The following LYRM4 variants were observed in gnomAD, a reference collection of about 807,000 sequenced individuals.
The protein encoded by LYRM4 is LYR motif-containing protein 4.
A neutral mutation model predicts 11.7 loss-of-function variants in LYRM4; 9 were observed. The observed-to-expected ratio is 0.77, with a 90% CI of 0.46 to 1.34. The LOEUF (loss-of-function observed/expected upper bound fraction) is 1.34. Among genes scored for constraint, LYRM4 ranks in the 40% most tolerant of loss-of-function variants. The pLI is 0.00. For synonymous variants in LYRM4, 42 were observed against 40.4 expected (o/e 1.04, Z -0.15); for missense variants, 133 against 112.5 (o/e 1.18, Z -0.82).
chr6:5,065,885 G>A, the LYRM4 span: 2 of 236,554 alleles, frequency 8.5e-6, no homozygotes, highest in Non-Finnish European at 1.7e-5. Flanking sequence ...AAGTCTTGAG[G>A]GTACATGTTA....
At chr6:5,155,430 G>A (rs1758356720) in intron 2 of LYRM4, among the ~76,000 whole-genome samples, 2 of 152,134 alleles carry the variant, frequency 1.3e-5, no homozygotes, top group East Asian at 1.9e-4. Flanking sequence ...AGTTTTCAGA[G>A]TCCGTCTTTA....
In LYRM4 at chr6:5,183,845, G is replaced by A. The variant is rs114524915; in HGVS notation, c.207+32773C>T. On this transcript the variant is annotated intron_variant, in intron 2 of 2. Coordinates refer to ENST00000330636, the MANE Select transcript of LYRM4 (RefSeq NM_020408.6). ...TAGTAAGAACCACTGCAGATCTATT[G>A]TATAACATGGAGGCTATTAATAATA... Among the ~76,000 whole-genome samples the A allele has an allele frequency of 6.0e-3, 916 of 152,308 alleles. 11 individuals carry two copies. Among genetic ancestry groups the A allele is most frequent in the South Asian group, 0.043 (209 of 4,820 alleles).
chr6:5,056,412 A>T, the LYRM4 span, among the ~76,000 whole-genome samples: 1 of 152,234 alleles, frequency 6.6e-6, no homozygotes, highest in Non-Finnish European at 1.5e-5. Flanking sequence ...AGGTAGTTGC[A>T]ATATGGAATC....
the LYRM4 span, chr6:5,086,444 A>G: frequency 6.5e-7 from 1 of 1,536,620 alleles, no homozygotes; most frequent in East Asian, 2.4e-5. Context: ...GACGCCGACG[A>G]GCGCGGCGTC....
chr6:5,113,408 A>T (rs1271696673), intron 2 of LYRM4: 3 of 398,294 alleles, frequency 7.5e-6, no homozygotes, highest in Admixed American at 2.9e-5. Flanking sequence ...ACAGAGCGAG[A>T]TTCCGTTATC....
intron 2 of LYRM4, among the ~76,000 whole-genome samples, chr6:5,115,110 T>A (rs1763059858): frequency 6.6e-6 from 1 of 152,222 alleles, no homozygotes; most frequent in Non-Finnish European, 1.5e-5. Flanking sequence ...ATCTATTTAA[T>A]CACTCCCATA....
the LYRM4 span, chr6:5,085,681 G>A: frequency 1.9e-6 from 3 of 1,548,062 alleles, no homozygotes; most frequent in Admixed American, 3.9e-5. Context: ...GGAAGAGGCC[G>A]CCCCCCAGGA....
chr6:5,234,929 C>A (rs1009291376), intron 1 of LYRM4, among the ~76,000 whole-genome samples: 4 of 152,114 alleles, frequency 2.6e-5, no homozygotes, highest in Non-Finnish European at 4.4e-5. Context: ...TACTCCCAAA[C>A]CCCCAGAGCT....
chr6:5,233,839 C>T lies in LYRM4; in HGVS notation c.87-17101G>A, dbSNP rs562035622. Reference sequence around the variant, plus strand: ...ACAACAGAGATCTGCAATATGTTCACGGTCCCTTCTCCCAAATGGTCCCAG... The same window carrying T: ...ACAACAGAGATCTGCAATATGTTCATGGTCCCTTCTCCCAAATGGTCCCAG... On this transcript the variant is annotated intron_variant, in intron 1 of 2. Transcript: ENST00000330636. Among the ~76,000 whole-genome samples, 17 of 152,346 alleles carry T rather than the reference C, an allele frequency of 1.1e-4. No individual in the cohort carries two copies. The South Asian group carries it at 1.9e-3, about 17-fold the overall frequency.
At chr6:5,216,317 G>A (rs544347160) in intron 2 of LYRM4, among the ~76,000 whole-genome samples, 9 of 152,270 alleles carry the variant, frequency 5.9e-5, no homozygotes, top group Non-Finnish European at 1.0e-4. Flanking sequence ...ACACATGTGC[G>A]ATACATCTTA....
the LYRM4 span, among the ~76,000 whole-genome samples, chr6:5,040,996 C>G: frequency 6.6e-6 from 1 of 152,076 alleles, no homozygotes; most frequent in African/African-American, 2.4e-5. Flanking sequence ...CTTTGAATAG[C>G]TTCTTAAGAA....
In LYRM4 at chr6:5,245,101, A is replaced by T. The variant is rs1462016433; in HGVS notation, c.86+15547T>A. On this transcript the variant is annotated intron_variant, in intron 1 of 2. Coordinates refer to ENST00000330636, the MANE Select transcript of LYRM4 (RefSeq NM_020408.6). ...TGCAGGAAGACCTTAAAAAAAAAAA[A>T]AAAAAAAAAAAAATATATATATATA... Among the ~76,000 whole-genome samples, 68 of 55,102 alleles carry T rather than the reference A, an allele frequency of 1.2e-3. 2 individuals are homozygous for T. The highest frequency in any genetic ancestry group is 3.7e-3 in the African/African-American group (57 of 15,502). 36.1% of individuals were successfully genotyped at this position (55,102 alleles called of 152,430 possible). A position where few individuals can be genotyped will look rare whatever the true frequency, so the allele number is the denominator to read the frequency against.
chr6:5,162,560 T>C (rs956867173), intron 2 of LYRM4, among the ~76,000 whole-genome samples: 2 of 151,906 alleles, frequency 1.3e-5, no homozygotes, highest in African/African-American at 4.8e-5. Flanking sequence ...GGGAGATCTG[T>C]TTGCTCACAT....
chr6:5,194,990 A>G (rs931050462), intron 2 of LYRM4, among the ~76,000 whole-genome samples: 5 of 152,260 alleles, frequency 3.3e-5, no homozygotes, highest in Non-Finnish European at 7.3e-5. Context: ...AAAACTGTTT[A>G]CGTCATTAGC....
the LYRM4 span, among the ~76,000 whole-genome samples, chr6:5,097,521 G>A: frequency 6.6e-6 from 1 of 152,146 alleles, no homozygotes; most frequent in East Asian, 1.9e-4. Context: ...GATCATTTTT[G>A]TTGATTTTTT....
intron 2 of LYRM4, among the ~76,000 whole-genome samples, chr6:5,172,268 G>GT (rs1288677190): frequency 6.6e-6 from 1 of 152,186 alleles, no homozygotes; most frequent in Non-Finnish European, 1.5e-5. Context: ...AAAGCACGCT[G>GT]TAACACGAGC....
chr6:5,213,406 G>A (rs78525671), intron 2 of LYRM4, among the ~76,000 whole-genome samples: 3,008 of 152,296 alleles, frequency 0.02, 90 homozygotes, highest in African/African-American at 0.067. Context: ...TGGAAAGCAG[G>A]GTGAGCAGGT....
At chr6:5,249,222 C>G (rs1439428697) in intron 1 of LYRM4, among the ~76,000 whole-genome samples, 1 of 152,210 alleles carries the variant, frequency 6.6e-6, no homozygotes, top group East Asian at 1.9e-4. Flanking sequence ...AGATGACACA[C>G]AGCGAGTAAA....
At chr6:5,218,221 A>T (rs1392935214) in intron 1 of LYRM4, 9 of 982,650 alleles carry the variant, frequency 9.2e-6, no homozygotes, top group Non-Finnish European at 1.1e-5. Flanking sequence ...CGTCTTCTTA[A>T]TGATCACAGA....
Sources: gnomAD v4.1 joint callset for allele counts (sites outside exome capture counted in the v4.1 genomes callset) on GRCh38, gnomAD v4.1.1 for gene constraint, MANE v1.5 for transcripts, NCBI Gene and HGNC (gene_info 2026-07-23, HGNC 2026-07-21) for gene names.